The following HLA-DRB5 variants were observed in gnomAD, a reference collection of about 807,000 sequenced individuals.
HLA-DRB5 encodes the protein DR beta-5.
In HLA-DRB5, 11 loss-of-function variants were observed where a neutral mutation model predicts 22.4. The observed-to-expected ratio is 0.49, with a 90% CI of 0.31 to 0.81. The LOEUF is 0.81. HLA-DRB5 is among the 40% of genes least tolerant of loss of function. HLA-DRB5 has a pLI of 0.05. For synonymous variants in HLA-DRB5, 57 were observed against 106.0 expected (o/e 0.54, Z 2.84); for missense variants, 106 against 274.4 (o/e 0.39, Z 4.34).
intron 2 of HLA-DRB5, among the ~76,000 whole-genome samples, chr6:32,521,700 CCA>C (rs1768893116): frequency 1.7e-5 from 1 of 60,584 alleles, no homozygotes; most frequent in South Asian, 5.2e-4. Context: ...AAAGACAAAT[CCA>C]CACTCTACAC....
At chr6:32,528,498 C>T (rs143031185) in intron 1 of HLA-DRB5, among the ~76,000 whole-genome samples, 3,234 of 44,078 alleles carry the variant, frequency 0.073, 1,314 homozygotes, top group Admixed American at 0.17. Context: ...AGAAGGGGCT[C>T]GAGCTCCAGC....
intron 2 of HLA-DRB5, 52 bp downstream of exon 2, chr6:32,521,853 A>ACACACACCCT (rs1419792558): frequency 1.7e-6 from 1 of 593,192 alleles, no homozygotes; most frequent in Non-Finnish European, 2.5e-6. Context: ...ACACACACAC[A>ACACACACCCT]CTCAGATTCC....
chr6:32,519,604 G>T lies in HLA-DRB5; in HGVS notation c.418C>A (p.His140Asn). 3.2e-6 allele frequency: 3 copies of T among 944,218 alleles called. No homozygotes were observed. The highest frequency in any genetic ancestry group is 1.6e-5 in the South Asian group (1 of 60,684). The allele number at this position is 944,218 out of a possible 1,614,324, so 58.5% of individuals were successfully genotyped here. A position where few individuals can be genotyped will look rare whatever the true frequency, so the allele number is the denominator to read the frequency against. Residue 140 changes from histidine to asparagine, a missense_variant, in exon 3 of 6, where the codon CAC becomes AAC. Physicochemically the swap from His to Asn is moderately conservative, Grantham distance 68. Transcript: ENST00000374975. Reference sequence around the variant, plus strand: ...ACAGAGCAGACCAGGAGGTTGTGGTGCTGCAGGGTCTGGGTCCTTGCAGGA... The same window carrying T: ...ACAGAGCAGACCAGGAGGTTGTGGTTCTGCAGGGTCTGGGTCCTTGCAGGA... The part of the protein sequence containing the change: ...VYPARTQTLQ[H>N]HNLLVCSVNG...
chr6:32,525,068 A>C (rs111613017), intron 1 of HLA-DRB5, among the ~76,000 whole-genome samples: 8,281 of 33,708 alleles, frequency 0.25, 3,174 homozygotes, highest in Middle Eastern at 0.27. Flanking sequence ...TTGGAACTAG[A>C]AGCCCTTGCA....
At chr6:32,519,070 G>A (rs796233375) in intron 3 of HLA-DRB5, among the ~76,000 whole-genome samples, 35 of 120,518 alleles carry the variant, frequency 2.9e-4, no homozygotes, top group Admixed American at 1.3e-3. Context: ...CAGAAACACA[G>A]TCTCAGACCC....
At chr6:32,529,207 ATTC>A (rs1770019552) in intron 1 of HLA-DRB5, among the ~76,000 whole-genome samples, 1 of 114,624 alleles carries the variant, frequency 8.7e-6, no homozygotes, top group Non-Finnish European at 1.9e-5. Flanking sequence ...CAATGTCCAC[ATTC>A]TCTCTGTAAC....
chr6:32,521,984 C>G lies in HLA-DRB5; in HGVS notation c.291G>C (p.Leu97=). ...TGTCCACCGCGGCGCGCCTGTCTTC[C>G]AGGAAGTCCTTCTGGCTGTTCCAGT... ...AEYWNSQKDF[L]EDRRAAVDTY... is the part of the protein sequence containing the mutation. Residue 97 remains leucine (L), a synonymous_variant, in exon 2 of 6, where the codon CTG becomes CTC. Transcript: ENST00000374975. The G allele has an allele frequency of 7.3e-7, 1 of 1,377,086 alleles. No homozygotes were observed. The highest frequency in any genetic ancestry group is 1.2e-5 in the South Asian group (1 of 83,414). The allele number at this position is 1,377,086 out of a possible 1,614,324, so 85.3% of individuals were successfully genotyped here.
chr6:32,528,239 G>T (rs1769862234), intron 1 of HLA-DRB5, among the ~76,000 whole-genome samples: 1 of 116,168 alleles, frequency 8.6e-6, no homozygotes, highest in South Asian at 2.7e-4. Context: ...CCACAAACCT[G>T]ATGTCTTTTC....
chr6:32,524,517 A>G (rs145273023), intron 1 of HLA-DRB5, among the ~76,000 whole-genome samples: 20,098 of 72,346 alleles, frequency 0.28, 533 homozygotes, highest in Middle Eastern at 0.36. Flanking sequence ...AAGTCCCCTC[A>G]GAAAGTCAGA....
At chr6:32,520,296 A>G (rs532278758) in intron 2 of HLA-DRB5, among the ~76,000 whole-genome samples, 14,012 of 35,798 alleles carry the variant, frequency 0.39, 4,948 homozygotes, top group Middle Eastern at 0.52. Flanking sequence ...TAGGGTACAA[A>G]AGGAGACTGA....
intron 1 of HLA-DRB5, among the ~76,000 whole-genome samples, chr6:32,528,175 A>ATGGAGCT (rs1769844243): frequency 1.5e-5 from 1 of 66,900 alleles, no homozygotes; most frequent in Non-Finnish European, 2.9e-5. Flanking sequence ...CACTTTCTCA[A>ATGGAGCT]GTAGGGCTCT....
intron 1 of HLA-DRB5, among the ~76,000 whole-genome samples, chr6:32,527,171 A>T (rs189723252): frequency 2.4e-4 from 23 of 95,434 alleles, no homozygotes; most frequent in African/African-American, 3.9e-4. Context: ...AACCCCAACA[A>T]TCCAATCCCC....
At chr6:32,525,768 T>C (rs35262198) in intron 1 of HLA-DRB5, among the ~76,000 whole-genome samples, 40,081 of 117,258 alleles carry the variant, frequency 0.34, 8,736 homozygotes, top group Middle Eastern at 0.56. Context: ...CTGAAATTCA[T>C]AGGCCTGGTA....
chr6:32,530,093 A>G (rs71549218), intron 1 of HLA-DRB5, 32 bp downstream of exon 1: 171,179 of 1,128,534 alleles, frequency 0.15, 6,384 homozygotes, highest in East Asian at 0.17. Context: ...TCCCCACCCC[A>G]TAGTAGCTCA....
At chr6:32,524,447 A>G (rs1769339099) in intron 1 of HLA-DRB5, among the ~76,000 whole-genome samples, 3 of 119,202 alleles carry the variant, frequency 2.5e-5, no homozygotes, top group Non-Finnish European at 3.6e-5. Context: ...ACTCCCAACA[A>G]TACTAGCAGG....
At chr6:32,529,996 A>T (rs114863849) in intron 1 of HLA-DRB5, 129 bp downstream of exon 1, 44,259 of 479,860 alleles carry the variant, frequency 0.092, 1,007 homozygotes, top group African/African-American at 0.17. Flanking sequence ...TTGGGATCCC[A>T]TGATAAAGAT....
intron 1 of HLA-DRB5, among the ~76,000 whole-genome samples, chr6:32,528,204 GTA>G (rs1769854926): frequency 2.7e-5 from 1 of 37,408 alleles, no homozygotes; most frequent in Non-Finnish European, 5.4e-5. Context: ...ATGAACTAAA[GTA>G]GGTGAATCCA....
Position 32,520,154 on chromosome 6 carries a change from A to C in HLA-DRB5, c.371-503T>G, listed in dbSNP as rs559330460. Among the ~76,000 whole-genome samples the C allele has an allele frequency of 3.3e-5, 2 of 61,450 alleles. 1 individual carries two copies. The highest frequency in any genetic ancestry group is 1.2e-4 in the African/African-American group (2 of 16,296). 40.3% of individuals were successfully genotyped at this position (61,450 alleles called of 152,430 possible). A position where few individuals can be genotyped will look rare whatever the true frequency, so the allele number is the denominator to read the frequency against. ...TAGCCTTTAATTTATGAGGTCATAAAGCTTCTCACTCCATTCCACTGTGAG... is the reference window on the plus strand; with the variant it reads ...TAGCCTTTAATTTATGAGGTCATAACGCTTCTCACTCCATTCCACTGTGAG... On this transcript the variant is annotated intron_variant, in intron 2 of 5. Coordinates refer to ENST00000374975, the MANE Select transcript of HLA-DRB5 (RefSeq NM_002125.4).
intron 2 of HLA-DRB5, among the ~76,000 whole-genome samples, 174 bp from the exon 3 acceptor site, chr6:32,519,825 G>A (rs1289388397): frequency 4.7e-5 from 4 of 86,010 alleles, no homozygotes; most frequent in Non-Finnish European, 9.2e-5. Flanking sequence ...TTATAGTGGG[G>A]GCTCATCAGA....
Sources: gnomAD v4.1 joint callset for allele counts (sites outside exome capture counted in the v4.1 genomes callset) on GRCh38, gnomAD v4.1.1 for gene constraint, MANE v1.5 for transcripts, NCBI Gene and HGNC (gene_info 2026-07-23, HGNC 2026-07-21) for gene names.